The following NPHP1 variants were observed in gnomAD, a reference collection of about 807,000 sequenced individuals.
The protein encoded by NPHP1 is nephrocystin 1.
Under a neutral mutation model 90.4 loss-of-function variants are expected in NPHP1, and 70 were observed. The ratio of observed to expected loss-of-function variants is 0.77; its 90% CI spans 0.64 to 0.95. The LOEUF is 0.95. NPHP1 is among the 40% of genes least tolerant of loss of function. The pLI, the probability that NPHP1 is intolerant of heterozygous loss-of-function variation, is 0.00. For missense variants in NPHP1, 764 were observed against 795.9 expected, an observed-to-expected ratio of 0.96 and a Z score of 0.48; for synonymous variants, 256 against 271.7, an observed-to-expected ratio of 0.94 and a Z score of 0.57.
chr2:110,198,154 T>A (rs1369008636), intron 2 of NPHP1, among the ~76,000 whole-genome samples: 1 of 152,038 alleles, frequency 6.6e-6, no homozygotes, highest in Non-Finnish European at 1.5e-5. Context: ...GCTGGAAGCA[T>A]GTTCTCCTAT....
At chr2:110,172,962 C>CTTTTTT (rs559012343) in intron 4 of NPHP1, among the ~76,000 whole-genome samples, 44 of 136,052 alleles carry the variant, frequency 3.2e-4, no homozygotes, top group Non-Finnish European at 5.0e-4. Flanking sequence ...TTTTCTTTTT[C>CTTTTTT]TTTTTTTTTT....
intron 4 of NPHP1, among the ~76,000 whole-genome samples, chr2:110,170,783 G>C (rs1683069556): frequency 6.6e-6 from 1 of 152,134 alleles, no homozygotes; most frequent in Non-Finnish European, 1.5e-5. Context: ...ATTAGGTCTT[G>C]AGAGATGATA....
At chr2:110,201,319 T>G in intron 2 of NPHP1, 102 bp downstream of exon 2, 2 of 808,842 alleles carry the variant, frequency 2.5e-6, no homozygotes, top group Non-Finnish European at 2.1e-6. Flanking sequence ...ACTATGTGAT[T>G]CTTCCATTTG....
chr2:110,186,495 A>G (rs1053244926), intron 2 of NPHP1, among the ~76,000 whole-genome samples: 1 of 152,144 alleles, frequency 6.6e-6, no homozygotes, highest in African/African-American at 2.4e-5. Flanking sequence ...TAATGGAGCC[A>G]GGCCTGACTC....
intron 4 of NPHP1, among the ~76,000 whole-genome samples, chr2:110,176,020 T>A (rs1292426208): frequency 6.9e-6 from 1 of 145,954 alleles, no homozygotes; most frequent in East Asian, 2.2e-4. Context: ...ATATTGTATT[T>A]TTTTAGTTCC....
intron 19 of NPHP1, chr2:110,124,596 G>A (rs149875988): frequency 0.015 from 3,033 of 203,528 alleles, 45 homozygotes; most frequent in Middle Eastern, 0.052. Flanking sequence ...GATAAGAATG[G>A]TGCAGCATCA....
chr2:110,132,384 G>A (rs554131103), intron 16 of NPHP1, among the ~76,000 whole-genome samples: 1 of 152,192 alleles, frequency 6.6e-6, no homozygotes, highest in African/African-American at 2.4e-5. Flanking sequence ...GCTGGGCATG[G>A]TGGCTCACAC....
chr2:110,179,294 C>T (rs1369887625), intron 3 of NPHP1, among the ~76,000 whole-genome samples: 1 of 152,100 alleles, frequency 6.6e-6, no homozygotes, highest in Admixed American at 6.5e-5. Flanking sequence ...GCATTATTTC[C>T]CCACAAAGAA....
chr2:110,125,415 A>ACT, intron 19 of NPHP1: 1 of 1,284,860 alleles, frequency 7.8e-7, no homozygotes, highest in Admixed American at 2.3e-5. Flanking sequence ...AAAACTCAGT[A>ACT]ATCTGAAATG....
chr2:110,199,033 G>C (rs981927669), intron 2 of NPHP1, among the ~76,000 whole-genome samples: 30 of 151,864 alleles, frequency 2.0e-4, no homozygotes, highest in African/African-American at 5.8e-4. Flanking sequence ...GAAAAAAAAA[G>C]CCTCCTAGTC....
At chr2:110,148,333 G>C (rs1681221126) in intron 12 of NPHP1, among the ~76,000 whole-genome samples, 2 of 152,072 alleles carry the variant, frequency 1.3e-5, no homozygotes, top group African/African-American at 4.8e-5. Flanking sequence ...GCCATGACTG[G>C]AAGCTTCCTG....
At chr2:110,182,603 T>C (rs1220052967) in intron 2 of NPHP1, among the ~76,000 whole-genome samples, 1 of 152,148 alleles carries the variant, frequency 6.6e-6, no homozygotes, top group Non-Finnish European at 1.5e-5. Context: ...TTAGGGAATT[T>C]GTCACCACCA....
At chr2:110,201,026 AT>A (rs909825384) in intron 2 of NPHP1, among the ~76,000 whole-genome samples, 6 of 151,676 alleles carry the variant, frequency 4.0e-5, no homozygotes, top group Admixed American at 6.6e-5. Flanking sequence ...TCTCCCAAGG[AT>A]TTTTTTTTAA....
intron 2 of NPHP1, chr2:110,184,388 T>C: frequency 1.6e-6 from 1 of 617,262 alleles, no homozygotes. Context: ...TGCTCCTCAC[T>C]GAGGCACCTT....
At chr2:110,184,155 T>G (rs894726111) in intron 2 of NPHP1, 2 of 557,844 alleles carry the variant, frequency 3.6e-6, no homozygotes, top group Non-Finnish European at 7.2e-6. Context: ...CCACAAATAC[T>G]GCTTTCCAAA....
chr2:110,193,513 C>T (rs1188371270), intron 2 of NPHP1, among the ~76,000 whole-genome samples: 1 of 152,060 alleles, frequency 6.6e-6, no homozygotes, highest in Admixed American at 6.5e-5. Flanking sequence ...AAAGCAAGTC[C>T]TTAGAGACCT....
chr2:110,199,986 G>C (rs1166060372), intron 2 of NPHP1, among the ~76,000 whole-genome samples: 2 of 152,106 alleles, frequency 1.3e-5, no homozygotes, highest in Non-Finnish European at 2.9e-5. Flanking sequence ...GGCCGGGCGC[G>C]GTGGCTCACG....
At chr2:110,135,476 CAAA>C (rs66696927) in intron 16 of NPHP1, among the ~76,000 whole-genome samples, 5 of 15,116 alleles carry the variant, frequency 3.3e-4, no homozygotes, top group African/African-American at 9.1e-4. Context: ...GACCCCGTCT[CAAA>C]AAAAAAAAAA....
intron 2 of NPHP1, among the ~76,000 whole-genome samples, chr2:110,181,444 C>T (rs1019741504): frequency 6.6e-6 from 1 of 152,132 alleles, no homozygotes; most frequent in East Asian, 1.9e-4. Flanking sequence ...GAGCTGGCTG[C>T]CATATTTGCT....
Sources: gnomAD v4.1 joint callset for allele counts (sites outside exome capture counted in the v4.1 genomes callset) on GRCh38, gnomAD v4.1.1 for gene constraint, MANE v1.5 for transcripts, NCBI Gene and HGNC (gene_info 2026-07-23, HGNC 2026-07-21) for gene names.